Variants in NR6A1 observed in about 807,000 individuals in gnomAD.
NR6A1 encodes retinoic acid receptor-related testis-associated receptor.
A neutral mutation model predicts 59.1 loss-of-function variants in NR6A1; 7 were observed. The ratio of observed to expected loss-of-function variants is 0.12; its 90% CI spans 0.07 to 0.22. The LOEUF is 0.22. NR6A1 is among the 10% of genes least tolerant of loss of function. The probability of loss-of-function intolerance (pLI) is 1.00; values close to 1 mark genes in which losing one functional copy is unlikely to be tolerated. For synonymous variants in NR6A1, 243 were observed against 236.1 expected (o/e 1.03, Z -0.27); for missense variants, 468 against 611.6 (o/e 0.77, Z 2.48).
intron 2 of NR6A1, among the ~76,000 whole-genome samples, chr9:124,644,338 G>A (rs1472186299): frequency 5.1e-5 from 6 of 116,620 alleles, no homozygotes; most frequent in Admixed American, 1.2e-4. Flanking sequence ...GTCAACCTAC[G>A]TCTCCTGGGT....
intron 1 of NR6A1, among the ~76,000 whole-genome samples, chr9:124,736,872 A>C (rs1274875480): frequency 6.6e-6 from 1 of 152,158 alleles, no homozygotes; most frequent in Non-Finnish European, 1.5e-5. Flanking sequence ...TGACACAGTG[A>C]ATATAAAGGC....
chr9:124,612,545 CA>C (rs950376580), intron 2 of NR6A1, among the ~76,000 whole-genome samples: 4 of 152,168 alleles, frequency 2.6e-5, no homozygotes, highest in African/African-American at 7.2e-5. Context: ...GGAACATAAG[CA>C]GGGGGAGCTC....
At chr9:124,715,443 G>A (rs997840552) in intron 2 of NR6A1, among the ~76,000 whole-genome samples, 3 of 152,136 alleles carry the variant, frequency 2.0e-5, no homozygotes, top group Admixed American at 2.0e-4. Context: ...GCTAGGCCAA[G>A]AGAATCCCTT....
intron 6 of NR6A1, among the ~76,000 whole-genome samples, chr9:124,537,051 C>T (rs1244786292): frequency 1.3e-5 from 2 of 151,780 alleles, no homozygotes; most frequent in African/African-American, 4.9e-5. Flanking sequence ...AAGACTTTTC[C>T]TCACACTCCC....
intron 2 of NR6A1, among the ~76,000 whole-genome samples, chr9:124,685,921 T>C (rs909261486): frequency 6.6e-6 from 1 of 152,194 alleles, no homozygotes; most frequent in Non-Finnish European, 1.5e-5. Flanking sequence ...GATCTAAGCA[T>C]AGCTTTTCTA....
intron 6 of NR6A1, 34 bp downstream of exon 6, chr9:124,538,058 C>T (rs1833328369): frequency 6.4e-7 from 1 of 1,563,492 alleles, no homozygotes; most frequent in African/African-American, 1.4e-5. Flanking sequence ...CACTTTGAGA[C>T]TGCAAGGGGC....
intron 8 of NR6A1, among the ~76,000 whole-genome samples, chr9:124,526,306 G>C (rs1024402265): frequency 1.1e-3 from 168 of 152,222 alleles, no homozygotes; most frequent in African/African-American, 3.9e-3. Flanking sequence ...GTGTGTGTGT[G>C]TGTGTGTGTG....
At chr9:124,602,131 T>TGAAA (rs1835468537) in intron 2 of NR6A1, among the ~76,000 whole-genome samples, 1 of 152,242 alleles carries the variant, frequency 6.6e-6, no homozygotes, top group Admixed American at 6.5e-5. Context: ...GGTGAGCTTT[T>TGAAA]CCTCCATTTA....
chr9:124,643,712 C>G lies in NR6A1; in HGVS notation c.143-89142G>C, dbSNP rs143145476. Reference sequence around the variant, plus strand: ...CCCATGAGCCCAGGAGTCTGAGGCACCACTGCACCCTGGCCTGGGCAAAGA... The same window carrying G: ...CCCATGAGCCCAGGAGTCTGAGGCAGCACTGCACCCTGGCCTGGGCAAAGA... On this transcript the variant is annotated intron_variant, in intron 2 of 9. Coordinates refer to ENST00000487099, the MANE Select transcript of NR6A1 (RefSeq NM_033334.4). Among the ~76,000 whole-genome samples the G allele has an allele frequency of 3.9e-3, 580 of 147,566 alleles. 1 individual carries two copies. The highest frequency in any genetic ancestry group is 6.8e-3 in the Non-Finnish European group (456 of 67,368).
At chr9:124,646,278 G>A (rs1190881342) in intron 2 of NR6A1, among the ~76,000 whole-genome samples, 1 of 151,720 alleles carries the variant, frequency 6.6e-6, no homozygotes, top group Non-Finnish European at 1.5e-5. Context: ...TTAAGAACAG[G>A]GAAGCAATAA....
At chr9:124,633,616 G>A (rs1044514881) in intron 2 of NR6A1, among the ~76,000 whole-genome samples, 5 of 152,142 alleles carry the variant, frequency 3.3e-5, no homozygotes, top group Admixed American at 1.3e-4. Context: ...CCACAGTGGA[G>A]CCATTCTAGG....
intron 2 of NR6A1, among the ~76,000 whole-genome samples, chr9:124,602,734 A>G (rs1835479698): frequency 1.3e-5 from 2 of 152,190 alleles, no homozygotes; most frequent in African/African-American, 4.8e-5. Flanking sequence ...AAAAGGCAAG[A>G]TAAAATGCCC....
At chr9:124,592,131 G>C (rs926406674) in intron 2 of NR6A1, among the ~76,000 whole-genome samples, 18 of 152,098 alleles carry the variant, frequency 1.2e-4, no homozygotes, top group African/African-American at 3.9e-4. Flanking sequence ...TTGTATTAAG[G>C]ATGCTAAATC....
chr9:124,602,812 C>T lies in NR6A1; in HGVS notation c.143-48242G>A, dbSNP rs571272681. Among the ~76,000 whole-genome samples, 61 of 152,300 alleles carry T rather than the reference C, an allele frequency of 4.0e-4. 1 individual carries two copies. The South Asian group carries it at 0.012, about 31-fold the overall frequency. On this transcript the variant is annotated intron_variant, in intron 2 of 9. Transcript: ENST00000487099. The stretch of plus-strand genomic sequence containing the variant: ...CCCAGGAACCTATGGTATAAAGGCC[C>T]ACACTCCTAAGGCCCTCCCTCTATA...
chr9:124,747,518 G>A (rs144718793), intron 1 of NR6A1, among the ~76,000 whole-genome samples: 255 of 152,260 alleles, frequency 1.7e-3, no homozygotes, highest in African/African-American at 5.8e-3. Flanking sequence ...AATTCTGGAT[G>A]AGACTCTTCT....
chr9:124,539,995 T>A (rs778689627), intron 5 of NR6A1, 38 bp downstream of exon 5: 12 of 1,561,658 alleles, frequency 7.7e-6, no homozygotes, highest in Non-Finnish European at 8.7e-6. Context: ...TGGTGGGGGA[T>A]CCCTAGATGA....
intron 2 of NR6A1, among the ~76,000 whole-genome samples, chr9:124,722,292 C>A (rs1839585501): frequency 1.3e-5 from 2 of 152,306 alleles, no homozygotes; most frequent in South Asian, 4.1e-4. Context: ...CAAGGAATAC[C>A]AAATACACAA....
chr9:124,681,167 T>C (rs1415759681), intron 2 of NR6A1, among the ~76,000 whole-genome samples: 3 of 152,178 alleles, frequency 2.0e-5, no homozygotes, highest in Admixed American at 6.5e-5. Context: ...ATTGTTACGT[T>C]GTAAGCTGAA....
intron 1 of NR6A1, among the ~76,000 whole-genome samples, chr9:124,750,692 G>A (rs950602592): frequency 3.9e-5 from 6 of 151,942 alleles, no homozygotes; most frequent in African/African-American, 9.7e-5. Flanking sequence ...CCCAGGAGGC[G>A]GAGGTTGCAG....
Sources: gnomAD v4.1 joint callset for allele counts (sites outside exome capture counted in the v4.1 genomes callset) on GRCh38, gnomAD v4.1.1 for gene constraint, MANE v1.5 for transcripts, NCBI Gene and HGNC (gene_info 2026-07-23, HGNC 2026-07-21) for gene names.